The following PTPRN2 variants were observed in gnomAD, a reference collection of about 807,000 sequenced individuals.
PTPRN2 encodes receptor-type tyrosine-protein phosphatase N2.
In PTPRN2, 74 loss-of-function variants were observed where a neutral mutation model predicts 118.8. That is an observed-to-expected ratio of 0.62 (90% CI 0.52 to 0.76). The LOEUF (loss-of-function observed/expected upper bound fraction) is 0.76. Among genes scored for constraint, PTPRN2 ranks in the 30% least tolerant of loss-of-function variants. PTPRN2 has a pLI of 0.00. For missense variants in PTPRN2, 1,481 were observed against 1,394.4 expected (o/e 1.06, Z -0.99); for synonymous variants, 641 against 608.0 (o/e 1.05, Z -0.80).
intron 11 of PTPRN2, among the ~76,000 whole-genome samples, chr7:157,960,586 A>G (rs1485157277): frequency 6.6e-6 from 1 of 152,278 alleles, no homozygotes; most frequent in Non-Finnish European, 1.5e-5. Flanking sequence ...CTCTAAGAAT[A>G]GGGAAATAGC....
At chr7:157,907,461 G>C (rs1372445337) in intron 11 of PTPRN2, among the ~76,000 whole-genome samples, 1 of 149,512 alleles carries the variant, frequency 6.7e-6, no homozygotes, top group Non-Finnish European at 1.5e-5. Context: ...GGGTGTCCCG[G>C]GTGGCAGTAT....
chr7:158,097,457 G>A (rs770054154), intron 10 of PTPRN2, among the ~76,000 whole-genome samples: 3 of 152,346 alleles, frequency 2.0e-5, no homozygotes, highest in East Asian at 3.9e-4. Context: ...AGCACATGAA[G>A]ATTGATCACA....
intron 5 of PTPRN2, among the ~76,000 whole-genome samples, chr7:158,188,503 C>CCCTGATGGGGAAGGCCGCCACGCTCGCCG (rs1825445097): frequency 1.1e-4 from 3 of 28,024 alleles, no homozygotes; most frequent in African/African-American, 4.5e-4. Flanking sequence ...CACGCTCGCC[C>CCCTGATGGGGAAGGCCGCCACGCTCGCCG]CCTGATGGGG....
At chr7:157,709,936 T>G (rs1287561364) in intron 12 of PTPRN2, among the ~76,000 whole-genome samples, 2 of 152,182 alleles carry the variant, frequency 1.3e-5, no homozygotes, top group Non-Finnish European at 2.9e-5. Flanking sequence ...AACGTGAGCC[T>G]GAAGGAGTTT....
chr7:157,944,109 A>G lies in PTPRN2; in HGVS notation c.1724-45372T>C, dbSNP rs1800316444. Among the ~76,000 whole-genome samples, 1 of 152,208 alleles carries G rather than the reference A, an allele frequency of 6.6e-6. No homozygotes were observed. Among genetic ancestry groups the G allele is most frequent in the African/African-American group, 2.4e-5 (1 of 41,442 alleles). Reference sequence around the variant, plus strand: ...AAAGCTGCTATCACTTCAATTACAGACACTCCGAGCCCAGGACAGGCTCCA... The same window carrying G: ...AAAGCTGCTATCACTTCAATTACAGGCACTCCGAGCCCAGGACAGGCTCCA... On this transcript the variant is annotated intron_variant, in intron 11 of 22. Coordinates refer to ENST00000389418, the MANE Select transcript of PTPRN2 (RefSeq NM_002847.5). This position sits in a 1 kb window ranked among gnomAD's most constrained non-coding sequence, Gnocchi z 4.3.
intron 2 of PTPRN2, among the ~76,000 whole-genome samples, chr7:158,453,063 ACG>A (rs1818200446): frequency 1.3e-5 from 2 of 151,970 alleles, no homozygotes; most frequent in South Asian, 2.1e-4. Context: ...CACAGCCTGG[ACG>A]TAGGGGAATT....
intron 11 of PTPRN2, among the ~76,000 whole-genome samples, chr7:157,992,459 G>A (rs1370758893): frequency 6.6e-6 from 1 of 152,178 alleles, no homozygotes; most frequent in Non-Finnish European, 1.5e-5. Context: ...GTACTGAGTG[G>A]GTCTCTCAGC....
In PTPRN2 at chr7:157,583,588, A is replaced by G. The variant is rs899836188; in HGVS notation, c.2497-5448T>C. On this transcript the variant is annotated intron_variant, in intron 17 of 22. Coordinates refer to ENST00000389418, the MANE Select transcript of PTPRN2 (RefSeq NM_002847.5). This position sits in a 1 kb window ranked among gnomAD's most constrained non-coding sequence, Gnocchi z 5.5. ...AGGCTGTACACCTTAAACATTTACA[A>G]TTAAAAACAACTCGACCGGGCACAG... is the stretch of plus-strand genomic sequence containing the variant. Among the ~76,000 whole-genome samples the G allele has an allele frequency of 2.0e-5, 3 of 152,144 alleles. No homozygotes were observed. Among genetic ancestry groups the G allele is most frequent in the Non-Finnish European group, 2.9e-5 (2 of 68,016 alleles).
chr7:158,405,922 G>A (rs558184699), intron 2 of PTPRN2, among the ~76,000 whole-genome samples: 4 of 149,070 alleles, frequency 2.7e-5, no homozygotes, highest in Non-Finnish European at 5.9e-5. Flanking sequence ...CGTGAGACAC[G>A]TGGCCGCACA....
chr7:157,917,927 A>G (rs1798500897), intron 11 of PTPRN2, among the ~76,000 whole-genome samples: 1 of 152,186 alleles, frequency 6.6e-6, no homozygotes. Context: ...TGGCTTTCCC[A>G]ACGCAAATTT....
chr7:158,559,497 A>G (rs1586942156), intron 1 of PTPRN2, among the ~76,000 whole-genome samples: 1 of 152,172 alleles, frequency 6.6e-6, no homozygotes, highest in South Asian at 2.1e-4. Flanking sequence ...TTCGTTCCCA[A>G]TGCAAATAAC....
chr7:157,833,477 G>T (rs1012736342), intron 12 of PTPRN2, among the ~76,000 whole-genome samples: 5 of 146,626 alleles, frequency 3.4e-5, no homozygotes, highest in African/African-American at 1.3e-4. Flanking sequence ...CCATATGATG[G>T]TAAACTCGTC....
At chr7:158,251,147 C>G (rs1796630576) in intron 3 of PTPRN2, among the ~76,000 whole-genome samples, 1 of 152,104 alleles carries the variant, frequency 6.6e-6, no homozygotes, top group South Asian at 2.1e-4. Context: ...CTCTCAAGAA[C>G]CACACAGCAT....
intron 12 of PTPRN2, among the ~76,000 whole-genome samples, chr7:157,812,916 C>T (rs55866726): frequency 0.14 from 21,820 of 152,100 alleles, 2,175 homozygotes; most frequent in African/African-American, 0.26. Context: ...CTTCCAAACC[C>T]AGAAGCCTTC....
chr7:158,331,896 C>G (rs1804535429), intron 2 of PTPRN2, among the ~76,000 whole-genome samples: 3 of 149,944 alleles, frequency 2.0e-5, no homozygotes, highest in Non-Finnish European at 3.0e-5. Flanking sequence ...CACTCACACC[C>G]ACACTCTCAC....
At chr7:157,688,753 C>A (rs2150826612) in intron 12 of PTPRN2, among the ~76,000 whole-genome samples, 1 of 152,338 alleles carries the variant, frequency 6.6e-6, no homozygotes, top group East Asian at 1.9e-4. Flanking sequence ...GTCAGAACCC[C>A]TCTGTGGCAC....
chr7:157,818,012 T>C (rs191627643), intron 12 of PTPRN2, among the ~76,000 whole-genome samples: 2,248 of 152,026 alleles, frequency 0.015, 59 homozygotes, highest in African/African-American at 0.052. Flanking sequence ...GGGGCATGTG[T>C]GCGGTGTGTG....
At chr7:158,245,226 ATGG>A (rs1195755169) in intron 3 of PTPRN2, among the ~76,000 whole-genome samples, 3 of 147,844 alleles carry the variant, frequency 2.0e-5, no homozygotes, top group East Asian at 2.1e-4. Context: ...GCCGGAACCC[ATGG>A]CCATGCCGGA....
At chr7:157,821,773 C>T (rs1806855806) in intron 12 of PTPRN2, among the ~76,000 whole-genome samples, 1 of 152,046 alleles carries the variant, frequency 6.6e-6, no homozygotes, top group South Asian at 2.1e-4. Context: ...GACAAATAAA[C>T]CAGAGGCCAG....
Sources: allele counts gnomAD v4.1 joint callset (sites outside exome capture counted in the v4.1 genomes callset), GRCh38; gene constraint gnomAD v4.1.1; non-coding constraint Gnocchi (gnomAD v3.1); transcripts MANE v1.5; gene names NCBI Gene and HGNC (gene_info 2026-07-23, HGNC 2026-07-21).